Variants in SLC16A9 observed in about 807,000 individuals in gnomAD.
SLC16A9 encodes the protein solute carrier family 16 member 9.
Under a neutral mutation model 44.3 loss-of-function variants are expected in SLC16A9, and 26 were observed. That is an observed-to-expected ratio of 0.59 (90% confidence interval 0.43 to 0.81). SLC16A9 has a LOEUF of 0.81. Among genes scored for constraint, SLC16A9 ranks in the 40% least tolerant of loss-of-function variants. The pLI, the probability that SLC16A9 is intolerant of heterozygous loss-of-function variation, is 0.00. For synonymous variants in SLC16A9, 230 were observed against 225.1 expected (o/e 1.02, Z -0.19); for missense variants, 559 against 595.8 (o/e 0.94, Z 0.64).
intron 1 of SLC16A9, among the ~76,000 whole-genome samples, chr10:59,707,641 A>T (rs943638414): frequency 6.6e-6 from 1 of 151,644 alleles, no homozygotes; most frequent in Non-Finnish European, 1.5e-5. Flanking sequence ...TAGGTTAATT[A>T]TGTTGGTTGG....
chr10:59,666,973 G>T (rs955938409), intron 3 of SLC16A9, among the ~76,000 whole-genome samples: 11 of 151,344 alleles, frequency 7.3e-5, no homozygotes, highest in Admixed American at 6.6e-4. Context: ...GAGCTTTTTG[G>T]TAATATTAAC....
intron 1 of SLC16A9, among the ~76,000 whole-genome samples, chr10:59,705,200 A>G (rs543439681): frequency 6.6e-6 from 1 of 152,308 alleles, no homozygotes; most frequent in Admixed American, 6.5e-5. Flanking sequence ...AAACATTAAA[A>G]TATGTCCCGT....
chr10:59,675,759 A>G (rs1196528414), intron 2 of SLC16A9, among the ~76,000 whole-genome samples: 1 of 152,226 alleles, frequency 6.6e-6, no homozygotes, highest in Non-Finnish European at 1.5e-5. Context: ...AACACTGCCT[A>G]TGCAGCAGTT....
chr10:59,660,427 C>A (rs1263969216), intron 4 of SLC16A9, among the ~76,000 whole-genome samples: 1 of 152,024 alleles, frequency 6.6e-6, no homozygotes, highest in African/African-American at 2.4e-5. Flanking sequence ...CCTGGACACA[C>A]ACACCCTCCC....
At chr10:59,687,577 T>C (rs1840160962) in intron 1 of SLC16A9, among the ~76,000 whole-genome samples, 2 of 152,246 alleles carry the variant, frequency 1.3e-5, no homozygotes, top group African/African-American at 4.8e-5. Flanking sequence ...TATGTTAGTC[T>C]ATTTTGGCGG....
chr10:59,657,819 T>A (rs79944233), intron 4 of SLC16A9, among the ~76,000 whole-genome samples: 20,899 of 151,970 alleles, frequency 0.14, 1,523 homozygotes, highest in East Asian at 0.21. Context: ...AAATCAAAAA[T>A]AAAATTCTAA....
At chr10:59,693,056 T>G (rs187838840) in intron 1 of SLC16A9, among the ~76,000 whole-genome samples, 164 of 152,330 alleles carry the variant, frequency 1.1e-3, no homozygotes, top group African/African-American at 3.9e-3. Context: ...ACATGTAATA[T>G]TCTACTTCTA....
Position 59,684,228 on chromosome 10 carries a change from TAAGG to T in SLC16A9, c.60_63del (p.Phe20LeufsTer11). 4 of 1,613,864 alleles carry T rather than the reference TAAGG, an allele frequency of 2.5e-6. No individual in the cohort carries two copies. The highest frequency in any genetic ancestry group is 3.4e-6 in the Non-Finnish European group (4 of 1,179,956). On this transcript the variant is annotated frameshift_variant, in exon 2 of 6. Transcript: ENST00000395348. LOFTEE classifies it high-confidence loss of function. ...GGGGATCCGTAACACAAAAACTGAG[TAAGG>T]AAGGAGACAAACACAATCACCCAGC...
chr10:59,682,406 A>G (rs1389562184), intron 2 of SLC16A9, among the ~76,000 whole-genome samples: 3 of 152,192 alleles, frequency 2.0e-5, no homozygotes, highest in African/African-American at 7.2e-5. Context: ...GAGATGAGTT[A>G]TCATCCACCT....
intron 1 of SLC16A9, among the ~76,000 whole-genome samples, chr10:59,705,263 GA>G (rs137995536): frequency 3.1e-4 from 45 of 146,064 alleles, no homozygotes; most frequent in South Asian, 6.5e-4. Flanking sequence ...AAGATGCAAA[GA>G]AAAAAAAAAC....
intron 1 of SLC16A9, among the ~76,000 whole-genome samples, chr10:59,687,934 T>G (rs1299433929): frequency 3.4e-5 from 5 of 145,324 alleles, no homozygotes; most frequent in Non-Finnish European, 7.4e-5. Flanking sequence ...CACTCCAGTG[T>G]GGGTGACACA....
intron 1 of SLC16A9, 29 bp from the exon 2 acceptor site, chr10:59,684,356 CTTA>C (rs1840088007): frequency 7.1e-7 from 1 of 1,417,394 alleles, no homozygotes; most frequent in Non-Finnish European, 9.7e-7. Context: ...AAAAGAGAAT[CTTA>C]TTTAGAGTGT....
chr10:59,706,652 C>CACACACACACACACA (rs3221219), intron 1 of SLC16A9, among the ~76,000 whole-genome samples: 1 of 151,870 alleles, frequency 6.6e-6, no homozygotes, highest in Non-Finnish European at 1.5e-5. Flanking sequence ...CACACACACA[C>CACACACACACACACA]AATAGGAGAC....
chr10:59,662,697 A>G (rs1264478712), intron 4 of SLC16A9, among the ~76,000 whole-genome samples: 1 of 151,590 alleles, frequency 6.6e-6, no homozygotes, highest in African/African-American at 2.4e-5. Flanking sequence ...CAAACATATG[A>G]AAAAAAACTC....
intron 4 of SLC16A9, among the ~76,000 whole-genome samples, chr10:59,658,944 T>C (rs1839409674): frequency 6.6e-6 from 1 of 152,176 alleles, no homozygotes; most frequent in Admixed American, 6.5e-5. Flanking sequence ...CTTCAGGCTA[T>C]CTAAAAGCCT....
At chr10:59,667,162 A>C (rs2132436588) in intron 3 of SLC16A9, among the ~76,000 whole-genome samples, 1 of 152,344 alleles carries the variant, frequency 6.6e-6, no homozygotes, top group Admixed American at 6.5e-5. Context: ...GAGTATGAAA[A>C]GTATACTGAT....
chr10:59,667,144 CTATAACAGAGTAT>C, intron 3 of SLC16A9, among the ~76,000 whole-genome samples: 1 of 152,150 alleles, frequency 6.6e-6, no homozygotes, highest in Admixed American at 6.5e-5. Context: ...CATGGATTTA[CTATAACAGAGTAT>C]GAAAAGTATA....
At position 59,699,778 on chromosome 10, in the gene SLC16A9, C is replaced by T. The variant is rs191652855; in HGVS notation, c.-37+9701G>A. ...TAGCTCCCCCAAAATCTTTAAGGTA[C>T]TTTCCCTATAAAGACCTCTGGCCAG... is the stretch of plus-strand genomic sequence containing the variant. On this transcript the variant is annotated intron_variant, in intron 1 of 5. Coordinates refer to ENST00000395348, the MANE Select transcript of SLC16A9 (RefSeq NM_194298.3). Among the ~76,000 whole-genome samples, 268 of 151,818 alleles carry T rather than the reference C, an allele frequency of 1.8e-3. 3 individuals carry two copies. The highest frequency in any genetic ancestry group is 6.1e-3 in the African/African-American group (254 of 41,356).
intron 2 of SLC16A9, among the ~76,000 whole-genome samples, chr10:59,677,076 C>CACACACACACAA (rs1472142605): frequency 6.6e-6 from 1 of 151,788 alleles, no homozygotes; most frequent in East Asian, 1.9e-4. Flanking sequence ...CACACACACA[C>CACACACACACAA]ACACTCATAC....
Sources: gnomAD v4.1 joint callset for allele counts (sites outside exome capture counted in the v4.1 genomes callset) on GRCh38, gnomAD v4.1.1 for gene constraint, MANE v1.5 for transcripts, NCBI Gene and HGNC (gene_info 2026-07-23, HGNC 2026-07-21) for gene names.